The following NREP variants were observed in gnomAD, a reference collection of about 807,000 sequenced individuals.
The protein encoded by NREP is neuronal regeneration-related protein.
In NREP, 5 loss-of-function variants were observed where a neutral mutation model predicts 8.6. That is an observed-to-expected ratio of 0.58 (90% confidence interval 0.30 to 1.22). The LOEUF is 1.22. NREP is among the 50% of genes most tolerant of loss of function. The pLI is 0.07. For synonymous variants in NREP, 27 were observed against 28.0 expected, an observed-to-expected ratio of 0.96 and a Z score of 0.11; for missense variants, 86 against 82.5, an observed-to-expected ratio of 1.04 and a Z score of -0.17.
chr5:111,761,787 T>A (rs1750965126), upstream of NREP, among the ~76,000 whole-genome samples: 1 of 152,116 alleles, frequency 6.6e-6, no homozygotes, highest in South Asian at 2.1e-4. Context: ...CCAATCAGTG[T>A]ATTGAATTGG....
intron 2 of NREP, among the ~76,000 whole-genome samples, chr5:111,766,572 A>C (rs1321406495): frequency 1.3e-5 from 2 of 152,156 alleles, no homozygotes; most frequent in African/African-American, 4.8e-5. Context: ...TGCTTCCCAC[A>C]TACTGAGTCT....
At chr5:111,784,053 G>C (rs1042894081) in intron 2 of NREP, among the ~76,000 whole-genome samples, 1 of 152,050 alleles carries the variant, frequency 6.6e-6, no homozygotes, top group East Asian at 1.9e-4. Flanking sequence ...TATATATGTG[G>C]GGTAGAGGGG....
At chr5:111,972,977 A>G (rs1284231700) in intron 2 of NREP, among the ~76,000 whole-genome samples, 1 of 152,168 alleles carries the variant, frequency 6.6e-6, no homozygotes, top group African/African-American at 2.4e-5. Flanking sequence ...TAAATCAAGT[A>G]CGGGGCCCCT....
intron 2 of NREP, among the ~76,000 whole-genome samples, chr5:111,915,158 G>A (rs1371015284): frequency 6.6e-6 from 1 of 152,016 alleles, no homozygotes; most frequent in African/African-American, 2.4e-5. Flanking sequence ...ATGCACACAG[G>A]GAACTGGAAG....
chr5:111,863,345 A>T (rs145234558), intron 2 of NREP, among the ~76,000 whole-genome samples: 1 of 152,174 alleles, frequency 6.6e-6, no homozygotes, highest in South Asian at 2.1e-4. Flanking sequence ...GTTCTATTTT[A>T]TATGTGCTAA....
intron 2 of NREP, among the ~76,000 whole-genome samples, chr5:111,831,930 G>A (rs1752778232): frequency 6.6e-6 from 1 of 152,134 alleles, no homozygotes; most frequent in Non-Finnish European, 1.5e-5. Flanking sequence ...AAGGTCACTG[G>A]GTTGAGTACA....
chr5:111,916,874 G>A (rs142174061), intron 2 of NREP, among the ~76,000 whole-genome samples: 2 of 152,158 alleles, frequency 1.3e-5, no homozygotes, highest in African/African-American at 2.4e-5. Context: ...GAAAGAACTC[G>A]ACTGAGGGGC....
intron 2 of NREP, among the ~76,000 whole-genome samples, chr5:111,892,027 T>TA (rs1351750610): frequency 6.6e-6 from 1 of 152,078 alleles, no homozygotes; most frequent in African/African-American, 2.4e-5. Flanking sequence ...TATGAGACAC[T>TA]AGAAAGCAAT....
chr5:111,871,653 T>A (rs78260264), intron 2 of NREP, among the ~76,000 whole-genome samples: 7,624 of 151,812 alleles, frequency 0.05, 470 homozygotes, highest in East Asian at 0.23. Context: ...TTTTCTATTT[T>A]AAAAAAATCT....
intron 2 of NREP, among the ~76,000 whole-genome samples, chr5:111,743,951 A>C (rs1749838489): frequency 6.6e-6 from 1 of 152,182 alleles, no homozygotes; most frequent in African/African-American, 2.4e-5. Context: ...TTATTCAAAA[A>C]TACGATTTCT....
At chr5:111,856,183 C>A (rs1753423516) in intron 2 of NREP, among the ~76,000 whole-genome samples, 1 of 152,150 alleles carries the variant, frequency 6.6e-6, no homozygotes, top group South Asian at 2.1e-4. Flanking sequence ...CAAAGGGTTA[C>A]CAAATCTAGC....
At chr5:111,889,127 GAGA>G (rs1194506241) in intron 2 of NREP, among the ~76,000 whole-genome samples, 9 of 152,224 alleles carry the variant, frequency 5.9e-5, no homozygotes. Context: ...TAATTTATAA[GAGA>G]AGAATAACTG....
Position 111,731,049 on chromosome 5 carries a change from G to T in NREP, c.82-3C>A. The T allele has an allele frequency of 6.2e-7, 1 of 1,613,560 alleles. No homozygotes were observed. The highest frequency in any genetic ancestry group is 8.5e-7 in the Non-Finnish European group (1 of 1,179,660). ...TCCTTTGGGACAGGAAGTCTTCCCT[G>T]CAAAGCAGGCAGACCCACACACAGA... On this transcript the variant is annotated splice_polypyrimidine_tract_variant and splice_region_variant and intron_variant, in intron 3 of 3. Transcript: ENST00000257435.
At chr5:111,860,556 C>G (rs1753522453) in intron 2 of NREP, among the ~76,000 whole-genome samples, 1 of 152,082 alleles carries the variant, frequency 6.6e-6, no homozygotes, top group Non-Finnish European at 1.5e-5. Context: ...CTCCCAGAGT[C>G]CAGTCTCTCT....
At position 111,779,591 on chromosome 5, in the gene NREP, G is replaced by A. The variant is rs116797442; in HGVS notation, c.136-44084C>T. Among the ~76,000 whole-genome samples the A allele has an allele frequency of 4.2e-3, 645 of 152,296 alleles. 7 individuals carry two copies. Among genetic ancestry groups the A allele is most frequent in the African/African-American group, 0.015 (618 of 41,568 alleles). On this transcript the variant is annotated intron_variant, in intron 2 of 3. Transcript: ENST00000395634. Reference sequence around the variant, plus strand: ...CAAACTCTCCAAGAAAGGGGGTAAGGGCAGTAGTGAGGACATGACTGTGGA... The same window carrying A: ...CAAACTCTCCAAGAAAGGGGGTAAGAGCAGTAGTGAGGACATGACTGTGGA...
At chr5:111,831,745 T>C (rs975962333) in intron 2 of NREP, among the ~76,000 whole-genome samples, 3 of 152,236 alleles carry the variant, frequency 2.0e-5, no homozygotes, top group Non-Finnish European at 4.4e-5. Context: ...TTTGAGGTTC[T>C]ATCCTGATCA....
chr5:111,809,815 A>G (rs1182664482), intron 2 of NREP, among the ~76,000 whole-genome samples: 1 of 151,896 alleles, frequency 6.6e-6, no homozygotes, highest in Non-Finnish European at 1.5e-5. Context: ...TTTTTTCACT[A>G]AAGTTACTAT....
intron 2 of NREP, among the ~76,000 whole-genome samples, chr5:111,838,018 T>C (rs747323796): frequency 1.4e-4 from 22 of 152,006 alleles, no homozygotes; most frequent in Non-Finnish European, 5.9e-5. Context: ...TTACAGAAAA[T>C]ACAGGGGTTA....
At chr5:111,802,489 G>A (rs893041960) in intron 2 of NREP, among the ~76,000 whole-genome samples, 8 of 152,112 alleles carry the variant, frequency 5.3e-5, no homozygotes, top group Non-Finnish European at 8.8e-5. Context: ...TGAAAGATGG[G>A]AGGCAGGAAA....
Sources: gnomAD v4.1 joint callset for allele counts (sites outside exome capture counted in the v4.1 genomes callset) on GRCh38, gnomAD v4.1.1 for gene constraint, MANE v1.5 for transcripts, NCBI Gene and HGNC (gene_info 2026-07-23, HGNC 2026-07-21) for gene names.